ATXN1: variants seen among roughly 807,000 people sequenced by gnomAD.
The protein encoded by ATXN1 is ataxin-1.
In ATXN1, 8 loss-of-function variants were observed where a neutral mutation model predicts 56.4. The observed-to-expected ratio is 0.14, with a 90% CI of 0.08 to 0.26. The LOEUF (loss-of-function observed/expected upper bound fraction) is 0.26, where lower values mean the gene tolerates loss of function less well. ATXN1 is among the 10% of genes least tolerant of loss of function. The probability of loss-of-function intolerance (pLI) is 1.00; values close to 1 mark genes in which losing one functional copy is unlikely to be tolerated. For synonymous variants in ATXN1, 514 were observed against 494.6 expected (o/e 1.04, Z -0.52); for missense variants, 987 against 1,106.5 (o/e 0.89, Z 1.53).
chr6:16,590,050 C>T (rs962231145), intron 3 of ATXN1, among the ~76,000 whole-genome samples: 2 of 151,776 alleles, frequency 1.3e-5, no homozygotes, highest in Admixed American at 6.6e-5. Flanking sequence ...ATTGAGCTGA[C>T]GTAATTATAA....
At chr6:16,433,413 G>C (rs1292512795) in intron 6 of ATXN1, among the ~76,000 whole-genome samples, 1 of 152,168 alleles carries the variant, frequency 6.6e-6, no homozygotes, top group Non-Finnish European at 1.5e-5. Flanking sequence ...AAATTTTATA[G>C]TTGTTGGCTT....
intron 6 of ATXN1, among the ~76,000 whole-genome samples, chr6:16,354,740 A>C (rs1307792987): frequency 6.6e-6 from 1 of 152,238 alleles, no homozygotes; most frequent in African/African-American, 2.4e-5. Flanking sequence ...GTAGATCAAG[A>C]GGAAAGACCA....
intron 2 of ATXN1, among the ~76,000 whole-genome samples, chr6:16,728,492 C>T (rs1203665870): frequency 2.6e-5 from 4 of 152,082 alleles, no homozygotes; most frequent in Non-Finnish European, 5.9e-5. Flanking sequence ...TTCTGCCCAC[C>T]CTTTCTACAA....
Position 16,477,101 on chromosome 6 carries a change from C to T in ATXN1, c.-161+8871G>A, listed in dbSNP as rs57084115. Reference sequence around the variant, plus strand: ...CTGGGGACACCCTTTCATCAGTCTCCCTTGTTCCCCATTTCCTTGCAAAGA... The same window carrying T: ...CTGGGGACACCCTTTCATCAGTCTCTCTTGTTCCCCATTTCCTTGCAAAGA... On this transcript the variant is annotated intron_variant, in intron 6 of 7. Transcript: ENST00000436367. 7.0e-3 allele frequency among the ~76,000 whole-genome samples: 1,066 copies of T among 152,306 alleles called. 9 individuals carry two copies. The highest frequency in any genetic ancestry group is 0.024 in the African/African-American group (997 of 41,570).
At chr6:16,584,223 C>CATTATATATAT (rs1288953032) in intron 4 of ATXN1, among the ~76,000 whole-genome samples, 1 of 80,718 alleles carries the variant, frequency 1.2e-5, no homozygotes, top group Non-Finnish European at 2.9e-5. Flanking sequence ...CGATATTGGA[C>CATTATATATAT]ATATATATAT....
chr6:16,680,845 A>G (rs1371335364), intron 2 of ATXN1, among the ~76,000 whole-genome samples: 1 of 152,234 alleles, frequency 6.6e-6, no homozygotes, highest in Non-Finnish European at 1.5e-5. Context: ...TAAAGAAAAA[A>G]TAAATTCCAT....
intron 7 of ATXN1, among the ~76,000 whole-genome samples, chr6:16,316,012 C>A (rs1476030380): frequency 4.6e-5 from 7 of 152,154 alleles, no homozygotes; most frequent in Admixed American, 3.9e-4. Context: ...GGATCCCCAA[C>A]CCCCAGGCAA....
intron 6 of ATXN1, among the ~76,000 whole-genome samples, chr6:16,368,105 G>A (rs1761963961): frequency 6.6e-6 from 1 of 151,966 alleles, no homozygotes; most frequent in Admixed American, 6.6e-5. Context: ...AAGAGGAAGA[G>A]GTTGCAGTGA....
intron 6 of ATXN1, among the ~76,000 whole-genome samples, chr6:16,420,041 T>G (rs1169840600): frequency 1.3e-5 from 2 of 152,214 alleles, no homozygotes; most frequent in Non-Finnish European, 2.9e-5. Context: ...CAAGGACACA[T>G]GAACCACCAC....
chr6:16,725,458 A>G (rs1759828682), intron 2 of ATXN1, among the ~76,000 whole-genome samples: 1 of 152,238 alleles, frequency 6.6e-6, no homozygotes, highest in South Asian at 2.1e-4. Context: ...ATGGGGGATT[A>G]AGAAACACTC....
At chr6:16,690,267 G>A (rs527904576) in intron 2 of ATXN1, among the ~76,000 whole-genome samples, 35 of 152,016 alleles carry the variant, frequency 2.3e-4, no homozygotes, top group Admixed American at 2.0e-3. Flanking sequence ...TCAAAGAGGA[G>A]GAAGAGAGTC....
At chr6:16,686,504 A>T (rs1758922037) in intron 2 of ATXN1, among the ~76,000 whole-genome samples, 1 of 5,852 alleles carries the variant, frequency 1.7e-4, no homozygotes, top group African/African-American at 9.4e-4. Flanking sequence ...CATGCAACAC[A>T]TTATGCCGAA....
At chr6:16,615,537 T>A (rs1053823632) in intron 3 of ATXN1, 1 of 146,438 alleles carries the variant, frequency 6.8e-6, no homozygotes, top group South Asian at 2.3e-4. Flanking sequence ...GTTTCCATGA[T>A]ACATACATCC....
chr6:16,347,002 G>A (rs928545001), intron 6 of ATXN1, among the ~76,000 whole-genome samples: 4 of 152,380 alleles, frequency 2.6e-5, no homozygotes, highest in Middle Eastern at 3.4e-3. Flanking sequence ...CCGGCCCTAG[G>A]GCAGTGAGGG....
intron 5 of ATXN1, among the ~76,000 whole-genome samples, chr6:16,501,975 C>T (rs975047929): frequency 1.3e-5 from 2 of 152,150 alleles, no homozygotes; most frequent in African/African-American, 4.8e-5. Flanking sequence ...ACAGCCTCGC[C>T]AGCATCTATT....
chr6:16,345,317 C>T (rs930037273), intron 6 of ATXN1, among the ~76,000 whole-genome samples: 10 of 152,106 alleles, frequency 6.6e-5, no homozygotes, highest in African/African-American at 1.9e-4. Context: ...AAGACACTTG[C>T]TATATGGGAA....
chr6:16,754,362 G>T (rs142125219), intron 1 of ATXN1, among the ~76,000 whole-genome samples: 1 of 152,092 alleles, frequency 6.6e-6, no homozygotes, highest in South Asian at 2.1e-4. Context: ...CTAAGCTCAC[G>T]CCAGGTAACA....
Position 16,305,343 on chromosome 6 carries a change from CAA to C in ATXN1, c.*984_*985del, listed in dbSNP as rs1476561305. The C allele has an allele frequency of 1.3e-5, 2 of 152,072 alleles. No individual in the cohort carries two copies. The highest frequency in any genetic ancestry group is 6.6e-5 in the Admixed American group (1 of 15,254). The allele number at this position is 152,072 out of a possible 1,614,324, so 9.4% of individuals were successfully genotyped here. A position where few individuals can be genotyped will look rare whatever the true frequency, so the allele number is the denominator to read the frequency against. ...TATAAACAGTACTAGAGTTCAAAGA[CAA>C]AAAGATTTCGCAAACTCAACGTGAA... On this transcript the variant is annotated 3_prime_UTR_variant, in exon 8 of 8. Coordinates refer to ENST00000436367, the MANE Select transcript of ATXN1 (RefSeq NM_001128164.2).
chr6:16,440,112 T>C (rs1581763620), intron 6 of ATXN1, among the ~76,000 whole-genome samples: 1 of 149,142 alleles, frequency 6.7e-6, no homozygotes, highest in Non-Finnish European at 1.5e-5. Context: ...CCAGGTGCGG[T>C]GGCTCATGCC....
Sources: gnomAD v4.1 joint callset for allele counts (sites outside exome capture counted in the v4.1 genomes callset) on GRCh38, gnomAD v4.1.1 for gene constraint, MANE v1.5 for transcripts, NCBI Gene and HGNC (gene_info 2026-07-23, HGNC 2026-07-21) for gene names.